SUPT3H: variants seen among roughly 807,000 people sequenced by gnomAD.
SUPT3H encodes the protein SPT3 homolog, SAGA and STAGA complex component, also known as transcription initiation protein SPT3 homolog.
In SUPT3H, 44 loss-of-function variants were observed where a neutral mutation model predicts 44.3. The ratio of observed to expected loss-of-function variants is 0.99; its 90% confidence interval spans 0.78 to 1.28. The LOEUF (loss-of-function observed/expected upper bound fraction) is 1.28. Among genes scored for constraint, SUPT3H ranks in the 50% most tolerant of loss-of-function variants. The pLI is 0.00. For missense variants in SUPT3H, 380 were observed against 387.1 expected, an observed-to-expected ratio of 0.98 and a Z score of 0.15; for synonymous variants, 124 against 125.6, an observed-to-expected ratio of 0.99 and a Z score of 0.09.
At chr6:45,294,429 C>T (rs1391640865) in intron 2 of SUPT3H, among the ~76,000 whole-genome samples, 1 of 152,132 alleles carries the variant, frequency 6.6e-6, no homozygotes. Context: ...CAATACAAGG[C>T]TGCTAGCTTT....
intron 1 of SUPT3H, chr6:45,371,754 C>G: frequency 1.3e-6 from 1 of 775,050 alleles, no homozygotes. Context: ...AAAAGAAAAT[C>G]TTAGGTAGAT....
In SUPT3H at chr6:45,197,527, A is replaced by G. The variant is rs182261325; in HGVS notation, c.102-91521T>C. Reference sequence around the variant, plus strand: ...GATGAATACTTCATATATCCTCTATAATACATGCTTTTTAAAACTAATTAA... The same window carrying G: ...GATGAATACTTCATATATCCTCTATGATACATGCTTTTTAAAACTAATTAA... On this transcript the variant is annotated intron_variant, in intron 2 of 10. Coordinates refer to ENST00000371459, the MANE Select transcript of SUPT3H (RefSeq NM_003599.4). 6.2e-5 allele frequency: 15 copies of G among 241,306 alleles called. No individual in the cohort carries two copies. In the Admixed American group the frequency reaches 8.5e-4, roughly 14 times the overall value. The allele number at this position is 241,306 out of a possible 1,614,324, so 14.9% of individuals were successfully genotyped here. A position where few individuals can be genotyped will look rare whatever the true frequency, so the allele number is the denominator to read the frequency against.
At chr6:45,020,295 G>A (rs960273381) in intron 4 of SUPT3H, among the ~76,000 whole-genome samples, 2 of 151,954 alleles carry the variant, frequency 1.3e-5, no homozygotes, top group Admixed American at 6.6e-5. Flanking sequence ...CAATGAAAGT[G>A]TCTGCATAGA....
intron 1 of SUPT3H, among the ~76,000 whole-genome samples, chr6:45,369,769 G>T (rs1795745416): frequency 1.3e-5 from 2 of 152,132 alleles, no homozygotes; most frequent in African/African-American, 4.8e-5. Context: ...ACATTATAAT[G>T]CAAGAGACAA....
At chr6:44,966,337 AT>A (rs969772515) in intron 6 of SUPT3H, among the ~76,000 whole-genome samples, 120 of 151,608 alleles carry the variant, frequency 7.9e-4, no homozygotes, top group African/African-American at 2.0e-3. Context: ...AATGAACATA[AT>A]TTTTTTTATT....
intron 2 of SUPT3H, among the ~76,000 whole-genome samples, chr6:45,299,983 C>T (rs887064682): frequency 6.6e-6 from 1 of 151,752 alleles, no homozygotes; most frequent in Non-Finnish European, 1.5e-5. Context: ...ACACACACAA[C>T]AAAACATATC....
At chr6:45,204,805 G>A (rs994674045) in intron 2 of SUPT3H, among the ~76,000 whole-genome samples, 12 of 152,018 alleles carry the variant, frequency 7.9e-5, no homozygotes, top group Non-Finnish European at 1.6e-4. Context: ...TTGATTCCTT[G>A]ACTCCTCCAT....
intron 2 of SUPT3H, among the ~76,000 whole-genome samples, chr6:45,230,687 T>TATATATATATATATATATATATATATA (rs1562747092): frequency 3.6e-4 from 36 of 99,686 alleles, no homozygotes; most frequent in Non-Finnish European, 4.8e-4. Flanking sequence ...TATATATATA[T>TATATATATATATATATATATATATATA]TTTTGAGATG....
intron 3 of SUPT3H, among the ~76,000 whole-genome samples, chr6:45,104,743 G>A (rs1304989083): frequency 6.6e-6 from 1 of 151,886 alleles, no homozygotes; most frequent in Non-Finnish European, 1.5e-5. Flanking sequence ...GAAGCTAAAA[G>A]AAGAAAAATA....
At chr6:45,072,991 T>A (rs1472296944) in intron 3 of SUPT3H, among the ~76,000 whole-genome samples, 1 of 152,144 alleles carries the variant, frequency 6.6e-6, no homozygotes, top group African/African-American at 2.4e-5. Flanking sequence ...GTTCTGTCAT[T>A]TCTAAGATTT....
intron 10 of SUPT3H, among the ~76,000 whole-genome samples, chr6:44,845,699 CAA>C (rs1771745777): frequency 6.6e-6 from 1 of 152,186 alleles, no homozygotes; most frequent in African/African-American, 2.4e-5. Flanking sequence ...GAAGAAGACA[CAA>C]GAGGCTGGAT....
intron 2 of SUPT3H, among the ~76,000 whole-genome samples, chr6:45,331,885 T>G (rs566952108): frequency 6.6e-6 from 1 of 151,994 alleles, no homozygotes; most frequent in Non-Finnish European, 1.5e-5. Flanking sequence ...AAATCAGTCA[T>G]GCTAAAGTTA....
chr6:45,026,843 T>TG (rs1455974921), intron 3 of SUPT3H, among the ~76,000 whole-genome samples: 1 of 152,316 alleles, frequency 6.6e-6, no homozygotes, highest in South Asian at 2.1e-4. Context: ...ATATAATTTT[T>TG]GTTTAAATAT....
intron 3 of SUPT3H, among the ~76,000 whole-genome samples, chr6:45,036,383 G>GAAT (rs1378539496): frequency 6.6e-6 from 1 of 152,080 alleles, no homozygotes; most frequent in Non-Finnish European, 1.5e-5. Context: ...AGTATACTAA[G>GAAT]AATAAGGAGA....
chr6:44,899,550 G>C (rs542397745), intron 10 of SUPT3H, among the ~76,000 whole-genome samples: 146 of 152,222 alleles, frequency 9.6e-4, no homozygotes, highest in Middle Eastern at 3.4e-3. Context: ...AGCCAGGTGT[G>C]GTGGCGGGAA....
chr6:44,836,835 T>C (rs570261922), intron 10 of SUPT3H, among the ~76,000 whole-genome samples: 4 of 152,334 alleles, frequency 2.6e-5, no homozygotes, highest in African/African-American at 9.6e-5. Flanking sequence ...TATGAGACTA[T>C]GTATAAATTC....
Position 45,005,669 on chromosome 6 carries a change from C to A in SUPT3H, c.365-1877G>T, listed in dbSNP as rs61385611. On this transcript the variant is annotated intron_variant, in intron 5 of 10. Coordinates refer to ENST00000371459, the MANE Select transcript of SUPT3H (RefSeq NM_003599.4). Reference sequence around the variant, plus strand: ...TGAGCCGAGATTGCTCCATTGCACTCCAGCCTGGGCAACAAGTGCAAAACT... The same window carrying A: ...TGAGCCGAGATTGCTCCATTGCACTACAGCCTGGGCAACAAGTGCAAAACT... 5.3e-3 allele frequency among the ~76,000 whole-genome samples: 787 copies of A among 149,146 alleles called. 4 individuals are homozygous for A. Among genetic ancestry groups the A allele is most frequent in the African/African-American group, 0.018 (733 of 40,096 alleles).
chr6:45,050,118 T>A (rs905456080), intron 3 of SUPT3H, among the ~76,000 whole-genome samples: 1 of 152,168 alleles, frequency 6.6e-6, no homozygotes, highest in African/African-American at 2.4e-5. Flanking sequence ...AGGACATCAT[T>A]ATCTCCTGAG....
intron 2 of SUPT3H, among the ~76,000 whole-genome samples, chr6:45,165,676 G>A (rs1191481853): frequency 6.6e-6 from 1 of 151,978 alleles, no homozygotes; most frequent in Non-Finnish European, 1.5e-5. Flanking sequence ...AAATGAAAGC[G>A]CTAAGAATAA....
Sources: allele counts gnomAD v4.1 joint callset (sites outside exome capture counted in the v4.1 genomes callset), GRCh38; gene constraint gnomAD v4.1.1; transcripts MANE v1.5; gene names NCBI Gene and HGNC (gene_info 2026-07-23, HGNC 2026-07-21).